The following DENND10 variants were observed in gnomAD, a reference collection of about 807,000 sequenced individuals.
DENND10 encodes DENN domain-containing protein 10.
DENND10 carries 24 observed loss-of-function variants against 43.6 expected under a neutral mutation model. That is an observed-to-expected ratio of 0.55 (90% CI 0.40 to 0.77). The LOEUF (loss-of-function observed/expected upper bound fraction) is 0.77. Ranked by LOEUF, DENND10 falls within the 30% of genes least tolerant of loss-of-function variation. The probability of loss-of-function intolerance (pLI) is 0.00; values close to 1 mark genes in which losing one functional copy is unlikely to be tolerated. For synonymous variants in DENND10, 125 were observed against 157.6 expected (o/e 0.79, Z 1.55); for missense variants, 303 against 429.9 (o/e 0.70, Z 2.61).
chr10:119,107,883 T>C, intron 1 of DENND10, 85 bp from the exon 2 acceptor site: 1 of 1,253,092 alleles, frequency 8.0e-7, no homozygotes, highest in Non-Finnish European at 1.2e-6. Context: ...TTAAAACTGA[T>C]TCCACTAAGT....
At chr10:119,115,405 T>TTTTTTTTTTTTTTTTTAGG in intron 3 of DENND10, among the ~76,000 whole-genome samples, 1 of 91,682 alleles carries the variant, frequency 1.1e-5, no homozygotes, top group Non-Finnish European at 2.3e-5. Context: ...TTTTTTTTTT[T>TTTTTTTTTTTTTTTTTAGG]GAGACGGAGT....
intron 1 of DENND10, among the ~76,000 whole-genome samples, chr10:119,106,141 C>T (rs1844686009): frequency 6.6e-6 from 1 of 152,058 alleles, no homozygotes; most frequent in African/African-American, 2.4e-5. Context: ...TTGCAGTGAG[C>T]TGAGATCAGA....
chr10:119,125,501 C>CTTTTTTTTTTTTTTTT, intron 6 of DENND10, among the ~76,000 whole-genome samples: 1 of 65,848 alleles, frequency 1.5e-5, no homozygotes, highest in Non-Finnish European at 2.8e-5. Context: ...TTCTAGTTTT[C>CTTTTTTTTTTTTTTTT]TTTTTTTTTT....
chr10:119,116,321 G>A lies in DENND10; in HGVS notation c.333-1198G>A, dbSNP rs576356320. On this transcript the variant is annotated intron_variant, in intron 3 of 8. Transcript: ENST00000361432. ...CATTTATCACCAGAAACCTAAAGGA[G>A]TTTTGATTTCTTAATTATCTAAATA... 3.9e-5 allele frequency among the ~76,000 whole-genome samples: 6 copies of A among 152,272 alleles called. No homozygotes were observed. The East Asian group carries it at 1.2e-3, about 29-fold the overall frequency.
chr10:119,136,333 T>C, intron 8 of DENND10, 138 bp from the exon 9 acceptor site: 1 of 973,040 alleles, frequency 1.0e-6, no homozygotes, highest in Non-Finnish European at 1.5e-6. Flanking sequence ...AGTGCTGGGA[T>C]TACAGGCATG....
intron 2 of DENND10, among the ~76,000 whole-genome samples, chr10:119,111,151 T>G (rs952949558): frequency 6.6e-6 from 1 of 151,172 alleles, no homozygotes; most frequent in African/African-American, 2.4e-5. Context: ...TCCCAGCTAC[T>G]TGGGAGCTTG....
intron 4 of DENND10, among the ~76,000 whole-genome samples, chr10:119,117,870 G>C (rs1589726714): frequency 1.3e-5 from 2 of 152,196 alleles, no homozygotes; most frequent in African/African-American, 4.8e-5. Flanking sequence ...GGGAGGCTGA[G>C]GCAGGAGAAT....
At chr10:119,129,740 AT>A in intron 7 of DENND10, 118 bp downstream of exon 7, 1 of 692,784 alleles carries the variant, frequency 1.4e-6, no homozygotes, top group South Asian at 1.7e-5. Context: ...GAAGATGGAT[AT>A]TTCCGTGTCT....
Position 119,137,173 on chromosome 10 carries a change from TAAAAAA to T in DENND10, c.*543_*548del, listed in dbSNP as rs35834399. The T allele has an allele frequency of 2.6e-5, 2 of 77,750 alleles. No individual in the cohort carries two copies. Among genetic ancestry groups the T allele is most frequent in the Admixed American group, 1.8e-4 (1 of 5,692 alleles). 4.8% of individuals were successfully genotyped at this position (77,750 alleles called of 1,614,324 possible). ...TGCAGTTGCACTTTCTCGTAAAAGT[TAAAAAA>T]AAAAAAAAAAAAAAAAGGTTTTTCC... On this transcript the variant is annotated 3_prime_UTR_variant, in exon 9 of 9. Coordinates refer to ENST00000361432, the MANE Select transcript of DENND10 (RefSeq NM_207009.4).
chr10:119,115,043 T>C (rs75295055), intron 3 of DENND10, among the ~76,000 whole-genome samples: 3,871 of 152,204 alleles, frequency 0.025, 159 homozygotes, highest in African/African-American at 0.089. Context: ...GTGTAGAGAT[T>C]ATAAGCATGA....
Position 119,107,983 on chromosome 10 carries a change from GAGA to G in DENND10, c.74_76del (p.Glu25del), listed in dbSNP as rs1564777610. On this transcript the variant is annotated inframe_deletion, in exon 2 of 9. Transcript: ENST00000361432. ...TCCACCGTAGAAAAGGACACAAATG[GAGA>G]AGTTCTGTGGGTGTGGTGTTATCCT... 1 of 1,614,000 alleles carries G rather than the reference GAGA, an allele frequency of 6.2e-7. No individual in the cohort carries two copies. The highest frequency in any genetic ancestry group is 2.2e-5 in the East Asian group (1 of 44,876).
intron 6 of DENND10, among the ~76,000 whole-genome samples, chr10:119,123,817 G>A (rs994464830): frequency 6.6e-6 from 1 of 151,480 alleles, no homozygotes; most frequent in Non-Finnish European, 1.5e-5. Flanking sequence ...GCATTCCCAA[G>A]TGGGATACTG....
At chr10:119,105,792 G>A (rs1421442493) in intron 1 of DENND10, among the ~76,000 whole-genome samples, 2 of 152,066 alleles carry the variant, frequency 1.3e-5, no homozygotes, top group Admixed American at 1.3e-4. Flanking sequence ...GTAGGTGGGA[G>A]GATTGCTTGG....
At position 119,132,840 on chromosome 10, in the gene DENND10, C is replaced by T; in HGVS notation, c.897+231C>T. The T allele has an allele frequency of 2.0e-6, 1 of 498,794 alleles. No homozygotes were observed. Among genetic ancestry groups the T allele is most frequent in the East Asian group, 3.2e-5 (1 of 31,388 alleles). 30.9% of individuals were successfully genotyped at this position (498,794 alleles called of 1,614,324 possible). A position where few individuals can be genotyped will look rare whatever the true frequency, so the allele number is the denominator to read the frequency against. Reference sequence around the variant, plus strand: ...AGGTATACACAGGGGCTGGTGCTGACACCGACCGCTGGCAATGAGAAATGT... The same window carrying T: ...AGGTATACACAGGGGCTGGTGCTGATACCGACCGCTGGCAATGAGAAATGT... On this transcript the variant is annotated intron_variant, in intron 8 of 8. Transcript: ENST00000361432. The surrounding 1 kb of genome is among the most constrained non-coding windows in gnomAD (Gnocchi z 4.2).
intron 3 of DENND10, among the ~76,000 whole-genome samples, chr10:119,112,498 T>TC (rs1564782885): frequency 2.0e-5 from 3 of 148,598 alleles, no homozygotes; most frequent in South Asian, 2.1e-4. Flanking sequence ...TTTTTCTTTT[T>TC]TTTTTTTTTT....
intron 2 of DENND10, among the ~76,000 whole-genome samples, chr10:119,109,528 A>T (rs1844877987): frequency 6.6e-6 from 1 of 152,210 alleles, no homozygotes; most frequent in Admixed American, 6.6e-5. Flanking sequence ...TAAAAATTAC[A>T]TTTAAAATAG....
At chr10:119,134,110 T>C (rs1187797057) in intron 8 of DENND10, 3 of 152,208 alleles carry the variant, frequency 2.0e-5, no homozygotes, top group African/African-American at 7.2e-5. Context: ...CTTGGCTCAC[T>C]GCAACCTCCA....
intron 4 of DENND10, among the ~76,000 whole-genome samples, chr10:119,118,474 G>A (rs1845401772): frequency 6.6e-6 from 1 of 152,162 alleles, no homozygotes. Flanking sequence ...AGACTTCAGG[G>A]TCCCTGAGCA....
intron 4 of DENND10, among the ~76,000 whole-genome samples, chr10:119,118,089 TTATC>T (rs1845387376): frequency 1.3e-5 from 2 of 152,194 alleles, no homozygotes; most frequent in African/African-American, 4.8e-5. Flanking sequence ...CATAATTAGA[TTATC>T]TAATTAGAAT....
Sources: allele counts gnomAD v4.1 joint callset (sites outside exome capture counted in the v4.1 genomes callset), GRCh38; gene constraint gnomAD v4.1.1; non-coding constraint Gnocchi (gnomAD v3.1); transcripts MANE v1.5; gene names NCBI Gene and HGNC (gene_info 2026-07-23, HGNC 2026-07-21).